Variants in ELP4 observed in about 807,000 individuals in gnomAD.
The protein encoded by ELP4 is elongator complex protein 4.
A neutral mutation model predicts 48.9 loss-of-function variants in ELP4; 51 were observed. The ratio of observed to expected loss-of-function variants is 1.04; its 90% confidence interval spans 0.83 to 1.32. ELP4 has a LOEUF of 1.32. ELP4 is among the 40% of genes most tolerant of loss of function. The probability of loss-of-function intolerance (pLI) is 0.00; values close to 1 mark genes in which losing one functional copy is unlikely to be tolerated. For synonymous variants in ELP4, 210 were observed against 189.2 expected, an observed-to-expected ratio of 1.11 and a Z score of -0.90; for missense variants, 519 against 514.6, an observed-to-expected ratio of 1.01 and a Z score of -0.08.
At chr11:31,706,686 G>T (rs907694014) in intron 9 of ELP4, among the ~76,000 whole-genome samples, 1 of 150,474 alleles carries the variant, frequency 6.6e-6, no homozygotes, top group African/African-American at 2.4e-5. Flanking sequence ...CTTCTATCTA[G>T]CTATAAATGT....
intron 3 of ELP4, among the ~76,000 whole-genome samples, chr11:31,560,527 T>C (rs1259903397): frequency 6.6e-6 from 1 of 151,678 alleles, no homozygotes; most frequent in East Asian, 1.9e-4. Context: ...CACAGGTTAA[T>C]ATATACCCCT....
At chr11:31,590,175 A>G (rs1957544390) in intron 3 of ELP4, among the ~76,000 whole-genome samples, 2 of 152,162 alleles carry the variant, frequency 1.3e-5, no homozygotes, top group African/African-American at 4.8e-5. Flanking sequence ...CCTACCTCAT[A>G]AGTTTATTAT....
At chr11:31,666,976 G>A (rs979257224) in intron 9 of ELP4, among the ~76,000 whole-genome samples, 2 of 152,142 alleles carry the variant, frequency 1.3e-5, no homozygotes, top group Non-Finnish European at 2.9e-5. Context: ...TTAATAGTAA[G>A]GGTAGTTTTT....
chr11:31,703,311 T>G lies in ELP4; in HGVS notation c.1143+53090T>G, dbSNP rs1273564135. Among the ~76,000 whole-genome samples the G allele has an allele frequency of 2.6e-5, 4 of 152,152 alleles. No homozygotes were observed. The East Asian group carries it at 7.7e-4, about 29-fold the overall frequency. ...TGGAACAACCTTTATTGCCCAGCTA[T>G]CCCCAGATATTCTAAAACAGTTATG... On this transcript the variant is annotated intron_variant, in intron 9 of 9. Coordinates refer to ENST00000640961, the MANE Select transcript of ELP4 (RefSeq NM_019040.5).
At chr11:31,643,997 T>C (rs577588428) in intron 7 of ELP4, among the ~76,000 whole-genome samples, 3 of 151,832 alleles carry the variant, frequency 2.0e-5, no homozygotes, top group East Asian at 1.9e-4. Context: ...ACAATGCTAT[T>C]TGAGATTGCC....
At chr11:31,649,873 C>T in intron 8 of ELP4, 1 of 339,494 alleles carries the variant, frequency 2.9e-6, no homozygotes, top group Non-Finnish European at 5.3e-6. Flanking sequence ...CTCTTTACAT[C>T]TGTACTTCTG....
At chr11:31,701,097 A>G (rs764356039) in intron 9 of ELP4, among the ~76,000 whole-genome samples, 1 of 152,070 alleles carries the variant, frequency 6.6e-6, no homozygotes, top group East Asian at 1.9e-4. Flanking sequence ...TAATGTTTCA[A>G]ATAGCCAATG....
intron 3 of ELP4, among the ~76,000 whole-genome samples, chr11:31,540,183 A>G (rs1006256881): frequency 6.6e-6 from 1 of 152,202 alleles, no homozygotes; most frequent in Non-Finnish European, 1.5e-5. Context: ...TTTGACTACT[A>G]TGGCAAAGCA....
rs918923335 is a variant in ELP4, at chr11:31,566,016, T to C, written c.381+26233T>C. On this transcript the variant is annotated intron_variant, in intron 3 of 9. Transcript: ENST00000640961. The stretch of plus-strand genomic sequence containing the variant: ...CTTCCTAACCATGAGCATGGAATGT[T>C]CTTACATTTGTTTGTGTTAAGATTC... Among the ~76,000 whole-genome samples the C allele has an allele frequency of 5.9e-5, 9 of 152,292 alleles. No individual in the cohort carries two copies. The East Asian group carries it at 1.5e-3, about 26-fold the overall frequency.
chr11:31,574,846 A>G (rs1957246669), intron 3 of ELP4, among the ~76,000 whole-genome samples: 1 of 152,230 alleles, frequency 6.6e-6, no homozygotes, highest in Non-Finnish European at 1.5e-5. Flanking sequence ...CAGAGCAGAA[A>G]AGGTGAAAAT....
intron 2 of ELP4, among the ~76,000 whole-genome samples, chr11:31,534,952 A>G (rs1956475112): frequency 6.6e-6 from 1 of 152,192 alleles, no homozygotes; most frequent in Admixed American, 6.5e-5. Context: ...TTACAGCTGT[A>G]TTAATCAGTA....
intron 9 of ELP4, among the ~76,000 whole-genome samples, chr11:31,754,218 A>G (rs1427967201): frequency 1.3e-5 from 2 of 152,254 alleles, no homozygotes; most frequent in Admixed American, 1.3e-4. Context: ...GCCATACACC[A>G]TTCAAAGTAA....
intron 9 of ELP4, among the ~76,000 whole-genome samples, chr11:31,739,143 C>G (rs906582445): frequency 6.6e-5 from 10 of 151,726 alleles, no homozygotes; most frequent in African/African-American, 2.4e-4. Flanking sequence ...ATTCTCATGA[C>G]AAATGGGGAA....
At chr11:31,744,586 T>C (rs1227128329) in intron 9 of ELP4, among the ~76,000 whole-genome samples, 1 of 152,230 alleles carries the variant, frequency 6.6e-6, no homozygotes, top group Non-Finnish European at 1.5e-5. Context: ...TGGTTCAACA[T>C]ACGCAAATCA....
At chr11:31,782,910 G>T (rs1948410241) in intron 9 of ELP4, among the ~76,000 whole-genome samples, 1 of 152,010 alleles carries the variant, frequency 6.6e-6, no homozygotes, top group East Asian at 1.9e-4. Flanking sequence ...AGAATCGTCA[G>T]GTCAACTAAT....
chr11:31,565,377 A>G (rs1957092865), intron 3 of ELP4, among the ~76,000 whole-genome samples: 1 of 150,016 alleles, frequency 6.7e-6, no homozygotes, highest in Admixed American at 6.7e-5. Context: ...CTTTAGTTTA[A>G]TTAGATCCCA....
intron 3 of ELP4, among the ~76,000 whole-genome samples, chr11:31,593,757 G>T (rs1957628255): frequency 6.6e-6 from 1 of 152,138 alleles, no homozygotes; most frequent in East Asian, 1.9e-4. Context: ...TATACTGTAA[G>T]ATACTAATGC....
At chr11:31,581,746 TTCTG>T (rs992987146) in intron 3 of ELP4, among the ~76,000 whole-genome samples, 8 of 142,702 alleles carry the variant, frequency 5.6e-5, no homozygotes, top group Non-Finnish European at 1.2e-4. Context: ...TTCTCTCATG[TTCTG>T]TCTTTTTTTT....
chr11:31,688,532 C>G lies in ELP4; in HGVS notation c.1143+38311C>G, dbSNP rs145352997. The stretch of plus-strand genomic sequence containing the variant: ...ATATTGGAGTAGAGGAAATTTCATA[C>G]TAGAATACAGTACTGTGTCATGTTT... On this transcript the variant is annotated intron_variant, in intron 9 of 9. Transcript: ENST00000640961. Among the ~76,000 whole-genome samples, 107 of 152,230 alleles carry G rather than the reference C, an allele frequency of 7.0e-4. 1 individual carries two copies. Among genetic ancestry groups the G allele is most frequent in the African/African-American group, 2.5e-3 (105 of 41,532 alleles).
Sources: allele counts gnomAD v4.1 joint callset (sites outside exome capture counted in the v4.1 genomes callset), GRCh38; gene constraint gnomAD v4.1.1; transcripts MANE v1.5; gene names NCBI Gene and HGNC (gene_info 2026-07-23, HGNC 2026-07-21).